The following PSMD13 variants were observed in gnomAD, a reference collection of about 807,000 sequenced individuals.
PSMD13 encodes proteasome 26S subunit, non-ATPase 13, also known as 26S proteasome non-ATPase regulatory subunit 13.
PSMD13 carries 8 observed loss-of-function variants against 57.4 expected under a neutral mutation model. The observed-to-expected ratio is 0.14, with a 90% CI of 0.08 to 0.25. The LOEUF is 0.25. Ranked by LOEUF, PSMD13 falls within the 10% of genes least tolerant of loss-of-function variation. The probability of loss-of-function intolerance (pLI) is 1.00; values close to 1 mark genes in which losing one functional copy is unlikely to be tolerated. For missense variants in PSMD13, 400 were observed against 461.5 expected (o/e 0.87, Z 1.22); for synonymous variants, 193 against 168.2 (o/e 1.15, Z -1.14).
chr11:252,052 GT>G lies in PSMD13; in HGVS notation c.1035+120del. 1.0e-6 allele frequency: 1 copy of G among 995,972 alleles called. No individual in the cohort carries two copies. Among genetic ancestry groups the G allele is most frequent in the East Asian group, 2.5e-5 (1 of 40,776 alleles). The allele number at this position is 995,972 out of a possible 1,614,324, so 61.7% of individuals were successfully genotyped here. On this transcript the variant is annotated intron_variant, in intron 12 of 12. Coordinates refer to ENST00000532097, the MANE Select transcript of PSMD13 (RefSeq NM_002817.4). The surrounding 1 kb of genome is among the most constrained non-coding windows in gnomAD (Gnocchi z 4.1). ...GGAAGACAGCATTATTAGACAAGAG[GT>G]TTTGGAGAAGGAAATACTGCTGTTG...
chr11:246,510 G>A (rs1004134434), intron 6 of PSMD13, among the ~76,000 whole-genome samples: 1 of 152,084 alleles, frequency 6.6e-6, no homozygotes, highest in Admixed American at 6.5e-5. Context: ...CAAAAAAAAA[G>A]GGAGATTTAG....
In PSMD13 at chr11:249,130, C is replaced by T. The variant is rs1590253639; in HGVS notation, c.774+73C>T. 19 of 1,585,852 alleles carry T rather than the reference C, an allele frequency of 1.2e-5. No homozygotes were observed. The East Asian group carries it at 3.4e-4, about 28-fold the overall frequency. On this transcript the variant is annotated intron_variant, in intron 9 of 12. Coordinates refer to ENST00000532097, the MANE Select transcript of PSMD13 (RefSeq NM_002817.4). Reference sequence around the variant, plus strand: ...GCTCATACAACAGATGTTCATTGAGCGTCTTCCCTAGGCACACAGGAAAGA... The same window carrying T: ...GCTCATACAACAGATGTTCATTGAGTGTCTTCCCTAGGCACACAGGAAAGA...
intron 2 of PSMD13, among the ~76,000 whole-genome samples, chr11:239,535 CT>C (rs1289726937): frequency 1.3e-5 from 2 of 152,128 alleles, no homozygotes; most frequent in Non-Finnish European, 2.9e-5. Context: ...CATCACTCCC[CT>C]TCTTTAAGCC....
Position 252,937 on chromosome 11 carries a change from G to A in PSMD13, c.*337G>A, listed in dbSNP as rs113652939. The A allele has an allele frequency of 1.2e-3, 268 of 215,772 alleles. 1 individual carries two copies. The highest frequency in any genetic ancestry group is 2.1e-3 in the African/African-American group (92 of 44,702). The allele number at this position is 215,772 out of a possible 1,614,324, so 13.4% of individuals were successfully genotyped here. A position where few individuals can be genotyped will look rare whatever the true frequency, so the allele number is the denominator to read the frequency against. On this transcript the variant is annotated 3_prime_UTR_variant, in exon 13 of 13. Coordinates refer to ENST00000532097, the MANE Select transcript of PSMD13 (RefSeq NM_002817.4). The surrounding 1 kb of genome is among the most constrained non-coding windows in gnomAD (Gnocchi z 4.1). ...ATCCACCTGTACGGACATCTTTTCC[G>A]TTGCGGTTTGAGAATGTTCCTATAA... is the stretch of plus-strand genomic sequence containing the variant.
intron 2 of PSMD13, among the ~76,000 whole-genome samples, chr11:241,780 T>G (rs1030419185): frequency 6.6e-6 from 1 of 152,194 alleles, no homozygotes; most frequent in Non-Finnish European, 1.5e-5. Flanking sequence ...TACTAGCCTC[T>G]GACTGTTCTC....
At position 248,956 on chromosome 11, in the gene PSMD13, C is replaced by G. The variant is rs1457103515; in HGVS notation, c.673C>G (p.Leu225Val). 6.2e-7 allele frequency: 1 copy of G among 1,614,200 alleles called. No individual in the cohort carries two copies. Among genetic ancestry groups the G allele is most frequent in the South Asian group, 1.1e-5 (1 of 91,080 alleles). ...ELLMHPVLES[L>V]RNTDRQWLID... ...GCTCATGCACCCTGTGCTGGAGTCC[C>G]TGAGGAATACTGACCGGCAGTGGCT... The change falls in exon 9 of 13, where the codon CTG becomes GTG. Residue 225 changes from leucine (L) to valine (V), a missense_variant. By Grantham distance (32) the Leu-to-Val change is conservative (BLOSUM62 1). Coordinates refer to ENST00000532097, the MANE Select transcript of PSMD13 (RefSeq NM_002817.4).
intron 6 of PSMD13, among the ~76,000 whole-genome samples, chr11:246,991 T>A (rs1261626412): frequency 6.6e-6 from 1 of 152,234 alleles, no homozygotes; most frequent in Non-Finnish European, 1.5e-5. Context: ...GTCTTTGTAC[T>A]TTTTTCTGTG....
rs928797359 is a variant in PSMD13, at chr11:252,216, G to A, written c.1035+280G>A. On this transcript the variant is annotated intron_variant, in intron 12 of 12. Transcript: ENST00000532097. The surrounding 1 kb of genome is among the most constrained non-coding windows in gnomAD (Gnocchi z 4.1). ...GGAGCTCTGATCAGATACGTTCCTG[G>A]TTCTGTGATTTGAGCTCACGTCGCT... The A allele has an allele frequency of 9.7e-6, 5 of 516,570 alleles. No individual in the cohort carries two copies. The highest frequency in any genetic ancestry group is 7.6e-5 in the African/African-American group (4 of 52,480). 32.0% of individuals were successfully genotyped at this position (516,570 alleles called of 1,614,324 possible).
chr11:247,446 C>T lies in PSMD13; in HGVS notation c.566C>T (p.Pro189Leu). Reference protein sequence around the residue: ...FLGCVDIKDLPVSEQQERAFT... With the variant: ...FLGCVDIKDLLVSEQQERAFT... ...GGCTGTGTTGACATCAAGGATCTAC[C>T]AGGTAACCTAGGCCATTAAATCCAT... is the stretch of plus-strand genomic sequence containing the variant. The change falls in exon 7 of 13, where the codon CCA becomes CTA. Residue 189 changes from proline (P) to leucine (L), a missense_variant and splice_region_variant. Physicochemically the swap from Pro to Leu is moderately conservative, Grantham distance 98. Coordinates refer to ENST00000532097, the MANE Select transcript of PSMD13 (RefSeq NM_002817.4). 1 of 1,612,930 alleles carries T rather than the reference C, an allele frequency of 6.2e-7. No individual in the cohort carries two copies.
rs939036846 is a variant in PSMD13, at chr11:237,597, C to A, written c.95+453C>A. Reference sequence around the variant, plus strand: ...ATAGTGTAACTGTATCTACAGTTATCTTTCTCATGGTCTGGAGTTGATAAA... The same window carrying A: ...ATAGTGTAACTGTATCTACAGTTATATTTCTCATGGTCTGGAGTTGATAAA... On this transcript the variant is annotated intron_variant, in intron 1 of 12. Transcript: ENST00000532097. Among the ~76,000 whole-genome samples the A allele has an allele frequency of 2.0e-5, 3 of 152,164 alleles. No individual in the cohort carries two copies. In the East Asian group the frequency reaches 5.8e-4, roughly 29 times the overall value.
At chr11:245,998 C>T (rs1238369602) in intron 6 of PSMD13, among the ~76,000 whole-genome samples, 2 of 152,138 alleles carry the variant, frequency 1.3e-5, no homozygotes, top group Non-Finnish European at 2.9e-5. Context: ...TCCCAGTACC[C>T]TTCAGACCAC....
chr11:247,160 A>G (rs3830000), intron 6 of PSMD13, 117 bp from the exon 7 acceptor site: 158,531 of 972,272 alleles, frequency 0.16, 14,073 homozygotes, highest in South Asian at 0.33. Context: ...AGGTGGGAGG[A>G]TCACTTGAGG....
Position 244,548 on chromosome 11 carries a change from G to A in PSMD13, c.309+79G>A, listed in dbSNP as rs377468316. ...TTAACAGCTTGTGTTCATGCTCACT[G>A]TCCAGACCTTTAGAGACCACAAGGC... On this transcript the variant is annotated intron_variant, in intron 5 of 12. Transcript: ENST00000532097. 6.6e-6 allele frequency: 10 copies of A among 1,525,352 alleles called. No individual in the cohort carries two copies. In the South Asian group the frequency reaches 1.0e-4, roughly 16 times the overall value. The allele number at this position is 1,525,352 out of a possible 1,614,324, so 94.5% of individuals were successfully genotyped here. A position where few individuals can be genotyped will look rare whatever the true frequency, so the allele number is the denominator to read the frequency against.
intron 9 of PSMD13, 87 bp from the exon 10 acceptor site, chr11:250,716 T>G: frequency 2.4e-6 from 3 of 1,258,936 alleles, no homozygotes; most frequent in Non-Finnish European, 3.5e-6. Context: ...TTGGGTCTAC[T>G]GTTATAGAAC....
At chr11:250,758 A>G (rs1415646885) in intron 9 of PSMD13, 45 bp from the exon 10 acceptor site, 1 of 1,575,118 alleles carries the variant, frequency 6.3e-7, no homozygotes. Flanking sequence ...GTAACTGATA[A>G]GCACAAACAT....
rs1221523473 is a variant in PSMD13 at position 238,982 on chromosome 11, G to A, written c.96-16G>A. ...GGATATTAGGTTAGAGGTCTTAAGG[G>A]CTGTATGTTTTTCAGGTTGTGGCAT... On this transcript the variant is annotated splice_polypyrimidine_tract_variant and intron_variant, in intron 1 of 12. Transcript: ENST00000532097. 6 of 1,612,480 alleles carry A rather than the reference G, an allele frequency of 3.7e-6. No individual in the cohort carries two copies. The highest frequency in any genetic ancestry group is 5.1e-6 in the Non-Finnish European group (6 of 1,178,516).
intron 6 of PSMD13, among the ~76,000 whole-genome samples, chr11:245,010 G>A (rs1249985765): frequency 6.8e-6 from 1 of 146,878 alleles, no homozygotes; most frequent in Admixed American, 7.0e-5. Flanking sequence ...GTGCAATCTC[G>A]GCCCACCGCA....
At chr11:247,805 C>G (rs1198295423) in intron 7 of PSMD13, 1 of 167,096 alleles carries the variant, frequency 6.0e-6, no homozygotes, top group African/African-American at 2.4e-5. Context: ...TGCACCCCAG[C>G]CTGGGTGACA....
chr11:244,373 G>A (rs1480631354), intron 4 of PSMD13, 53 bp from the exon 5 acceptor site: 9 of 1,592,270 alleles, frequency 5.7e-6, no homozygotes, highest in African/African-American at 2.7e-5. Flanking sequence ...GGGTGTCTTG[G>A]TTAGCAGAAA....
Sources: gnomAD v4.1 joint callset for allele counts (sites outside exome capture counted in the v4.1 genomes callset) on GRCh38, gnomAD v4.1.1 for gene constraint, Gnocchi (gnomAD v3.1) non-coding constraint, MANE v1.5 for transcripts, NCBI Gene and HGNC (gene_info 2026-07-23, HGNC 2026-07-21) for gene names.